The following PLCE1 variants were observed in gnomAD, a reference collection of about 807,000 sequenced individuals.
PLCE1 encodes the protein 1-phosphatidylinositol 4,5-bisphosphate phosphodiesterase epsilon-1.
A neutral mutation model predicts 242.8 loss-of-function variants in PLCE1; 119 were observed. The ratio of observed to expected loss-of-function variants is 0.49; its 90% CI spans 0.42 to 0.57. The LOEUF (loss-of-function observed/expected upper bound fraction) is 0.57. PLCE1 is among the 20% of genes least tolerant of loss of function. PLCE1 has a pLI of 0.00. For missense variants in PLCE1, 2,441 were observed against 2,788.8 expected (o/e 0.88, Z 2.81); for synonymous variants, 945 against 1,017.4 (o/e 0.93, Z 1.35).
At chr10:94,236,676 C>A (rs1369799942) in intron 7 of PLCE1, among the ~76,000 whole-genome samples, 1 of 152,182 alleles carries the variant, frequency 6.6e-6, no homozygotes, top group Non-Finnish European at 1.5e-5. Context: ...CCTACACACA[C>A]AAGGCATCTG....
chr10:94,313,012 C>CTGGG (rs1170797138), intron 27 of PLCE1, among the ~76,000 whole-genome samples: 8 of 152,090 alleles, frequency 5.3e-5, no homozygotes, highest in Admixed American at 3.9e-4. Flanking sequence ...ATATCAGCCT[C>CTGGG]TAATTATGAT....
chr10:94,259,161 C>T lies in PLCE1; in HGVS notation c.3814+11C>T. ...TTCAGCCTGACCTAGGTTTGTTGAA[C>T]ATTTTAGGATTTCCCTTTGGGATCA... is the stretch of plus-strand genomic sequence containing the variant. On this transcript the variant is annotated intron_variant, in intron 13 of 32. Transcript: ENST00000371380. 6.2e-7 allele frequency: 1 copy of T among 1,613,890 alleles called. No individual in the cohort carries two copies. Among genetic ancestry groups the T allele is most frequent in the Non-Finnish European group, 8.5e-7 (1 of 1,179,788 alleles).
At chr10:94,305,969 A>G (rs1378243248) in intron 25 of PLCE1, among the ~76,000 whole-genome samples, 4 of 151,172 alleles carry the variant, frequency 2.6e-5, no homozygotes, top group African/African-American at 4.9e-5. Context: ...CCCAGTTACA[A>G]TCACTTACTT....
chr10:94,027,274 A>G (rs1564632003), intron 1 of PLCE1, among the ~76,000 whole-genome samples: 1 of 152,206 alleles, frequency 6.6e-6, no homozygotes, highest in Non-Finnish European at 1.5e-5. Context: ...CTCTATTTAC[A>G]CTGTACTTTG....
At chr10:94,274,409 C>G (rs2051869546) in intron 19 of PLCE1, among the ~76,000 whole-genome samples, 1 of 152,198 alleles carries the variant, frequency 6.6e-6, no homozygotes, top group African/African-American at 2.4e-5. Context: ...AGAGTACAGG[C>G]ACACAGATGC....
At position 93,994,234 on chromosome 10, in the gene PLCE1, G is replaced by C. The variant is rs1423490496; in HGVS notation, c.-389G>C. Among the ~76,000 whole-genome samples, 1 of 152,218 alleles carries C rather than the reference G, an allele frequency of 6.6e-6. No individual in the cohort carries two copies. Among genetic ancestry groups the C allele is most frequent in the Admixed American group, 6.5e-5 (1 of 15,292 alleles). On this transcript the variant is annotated 5_prime_UTR_variant, in exon 1 of 33. Transcript: ENST00000371380. The stretch of plus-strand genomic sequence containing the variant: ...GAGGGACGCTGCGCTTGGGGACGCC[G>C]GCGAGACTCGCCAGGAGCCAAGAGG...
intron 1 of PLCE1, among the ~76,000 whole-genome samples, chr10:94,003,270 T>TA (rs1324671732): frequency 6.6e-6 from 1 of 152,240 alleles, no homozygotes; most frequent in Non-Finnish European, 1.5e-5. Flanking sequence ...GCTTTTGGTT[T>TA]AAAATAGTTT....
intron 8 of PLCE1, among the ~76,000 whole-genome samples, chr10:94,251,069 G>T (rs2050857476): frequency 6.6e-6 from 1 of 152,114 alleles, no homozygotes. Context: ...GCCAATCATT[G>T]GTCAAAGGAG....
intron 3 of PLCE1, among the ~76,000 whole-genome samples, chr10:94,161,203 T>C (rs1038139904): frequency 6.6e-6 from 1 of 152,324 alleles, no homozygotes; most frequent in Non-Finnish European, 1.5e-5. Flanking sequence ...AAGAAAGTTA[T>C]TGGTAGCTTG....
chr10:94,093,285 C>T (rs2135393313), intron 2 of PLCE1, among the ~76,000 whole-genome samples: 1 of 152,302 alleles, frequency 6.6e-6, no homozygotes, highest in African/African-American at 2.4e-5. Flanking sequence ...TTTTCAATAA[C>T]TGTGATTTTG....
chr10:94,207,202 T>G (rs1278136272), intron 4 of PLCE1, among the ~76,000 whole-genome samples: 3 of 152,054 alleles, frequency 2.0e-5, no homozygotes, highest in Non-Finnish European at 2.9e-5. Flanking sequence ...CAGTGACACG[T>G]CAGGAGCGTG....
At position 94,086,849 on chromosome 10, in the gene PLCE1, C is replaced by T. The variant is rs1200319233; in HGVS notation, c.1207-45325C>T. Among the ~76,000 whole-genome samples the T allele has an allele frequency of 5.3e-5, 8 of 152,164 alleles. No homozygotes were observed. The East Asian group carries it at 1.5e-3, about 29-fold the overall frequency. ...TGCAAATCATTCATTCCCTCAGATC[C>T]TTCATTTCCTCATCTGTGGAATAGA... On this transcript the variant is annotated intron_variant, in intron 2 of 32. Coordinates refer to ENST00000371380, the MANE Select transcript of PLCE1 (RefSeq NM_016341.4).
chr10:94,173,429 A>G (rs2048041766), intron 4 of PLCE1, among the ~76,000 whole-genome samples: 1 of 152,196 alleles, frequency 6.6e-6, no homozygotes, highest in Non-Finnish European at 1.5e-5. Context: ...GGAAAAATGA[A>G]AGTTCCAGTA....
rs143998146 is a variant in PLCE1, at chr10:94,204,662, G to C, written c.1810-22644G>C. Reference sequence around the variant, plus strand: ...AGCCTGGGTGACAGAGTGAAACTCTGTCCCGAAAGAAAGAAAGAAAGATAC... The same window carrying C: ...AGCCTGGGTGACAGAGTGAAACTCTCTCCCGAAAGAAAGAAAGAAAGATAC... On this transcript the variant is annotated intron_variant, in intron 4 of 32. Coordinates refer to ENST00000371380, the MANE Select transcript of PLCE1 (RefSeq NM_016341.4). Among the ~76,000 whole-genome samples the C allele has an allele frequency of 2.1e-3, 317 of 150,800 alleles. 3 individuals carry two copies. Among genetic ancestry groups the C allele is most frequent in the African/African-American group, 7.4e-3 (303 of 40,900 alleles).
intron 20 of PLCE1, 124 bp downstream of exon 20, chr10:94,280,035 G>A: frequency 2.0e-6 from 2 of 1,019,884 alleles, no homozygotes; most frequent in African/African-American, 1.6e-5. Context: ...ATATTGTCCA[G>A]GAGTTTCTGA....
intron 9 of PLCE1, among the ~76,000 whole-genome samples, chr10:94,253,558 T>C (rs1272439169): frequency 6.6e-6 from 1 of 152,144 alleles, no homozygotes; most frequent in Non-Finnish European, 1.5e-5. Flanking sequence ...TCTCACTATG[T>C]TGCCCAGGCT....
At chr10:94,229,432 C>T (rs2050067378) in intron 5 of PLCE1, among the ~76,000 whole-genome samples, 1 of 152,114 alleles carries the variant, frequency 6.6e-6, no homozygotes, top group South Asian at 2.1e-4. Context: ...GCAGAGGCTG[C>T]AATGCCTTTT....
At chr10:94,237,266 G>T (rs988655247) in intron 7 of PLCE1, among the ~76,000 whole-genome samples, 6 of 152,144 alleles carry the variant, frequency 3.9e-5, no homozygotes, top group African/African-American at 1.4e-4. Context: ...CATCTTTAAA[G>T]ATGAAGCTTT....
intron 2 of PLCE1, among the ~76,000 whole-genome samples, chr10:94,068,432 A>G (rs1252529444): frequency 2.6e-5 from 4 of 152,236 alleles, no homozygotes; most frequent in African/African-American, 7.2e-5. Flanking sequence ...ACAATGCAAC[A>G]TAACTATTTA....
Sources: gnomAD v4.1 joint callset for allele counts (sites outside exome capture counted in the v4.1 genomes callset) on GRCh38, gnomAD v4.1.1 for gene constraint, MANE v1.5 for transcripts, NCBI Gene and HGNC (gene_info 2026-07-23, HGNC 2026-07-21) for gene names.